The following ABTB2 variants were observed in gnomAD, a reference collection of about 807,000 sequenced individuals.
ABTB2 encodes the protein ankyrin repeat and BTB domain containing 2.
ABTB2 carries 56 observed loss-of-function variants against 104.1 expected under a neutral mutation model. The observed-to-expected ratio is 0.54, with a 90% CI of 0.43 to 0.67. ABTB2 has a LOEUF of 0.67. Among genes scored for constraint, ABTB2 ranks in the 30% least tolerant of loss-of-function variants. The pLI is 0.00. For missense variants in ABTB2, 1,279 were observed against 1,407.7 expected, an observed-to-expected ratio of 0.91 and a Z score of 1.46; for synonymous variants, 606 against 608.2, an observed-to-expected ratio of 1.00 and a Z score of 0.05.
intron 1 of ABTB2, among the ~76,000 whole-genome samples, chr11:34,314,689 C>T (rs1256571948): frequency 2.0e-5 from 3 of 152,132 alleles, no homozygotes; most frequent in African/African-American, 7.2e-5. Context: ...CCCTGGTATC[C>T]GATGCTGGTG....
rs533395082 is a variant in ABTB2 at position 34,167,971 on chromosome 11, C to A, written c.1585G>T (p.Ala529Ser). The A allele has an allele frequency of 1.6e-5, 26 of 1,614,060 alleles. No homozygotes were observed. The highest frequency in any genetic ancestry group is 2.1e-5 in the Non-Finnish European group (25 of 1,180,046). ...ATCGCTTCGTCCCCAGCAGCGCAGGCGTACATCAGTGGCGTCATACCCTGA... is the reference window on the plus strand; with the variant it reads ...ATCGCTTCGTCCCCAGCAGCGCAGGAGTACATCAGTGGCGTCATACCCTGA... ...DDQGMTPLMY[A>S]CAAGDEAMVQ... Residue 529 changes from alanine to serine, a missense_variant, in exon 6 of 17, where the codon GCC becomes TCC. Coordinates refer to ENST00000435224, the MANE Select transcript of ABTB2 (RefSeq NM_145804.3).
At chr11:34,174,019 C>G (rs938820271) in intron 3 of ABTB2, among the ~76,000 whole-genome samples, 13 of 152,126 alleles carry the variant, frequency 8.5e-5, no homozygotes, top group African/African-American at 3.1e-4. Context: ...CCAGGTTGCC[C>G]CCAGTTTGGT....
At chr11:34,343,743 G>A (rs140907747) in intron 1 of ABTB2, among the ~76,000 whole-genome samples, 14 of 152,196 alleles carry the variant, frequency 9.2e-5, no homozygotes, top group African/African-American at 3.4e-4. Context: ...CAAAGCGTTG[G>A]GATTACAGGC....
chr11:34,233,655 T>A (rs1853804262), intron 1 of ABTB2, among the ~76,000 whole-genome samples: 1 of 1,034 alleles, frequency 9.7e-4, no homozygotes, highest in Non-Finnish European at 7.2e-3. Context: ...TGGCCCACCT[T>A]TTTTTTTTTT....
chr11:34,268,950 A>G (rs1016314605), intron 1 of ABTB2, among the ~76,000 whole-genome samples: 3 of 152,308 alleles, frequency 2.0e-5, no homozygotes, highest in Admixed American at 6.5e-5. Flanking sequence ...ACTTATTTCC[A>G]AATAAAGTGA....
intron 1 of ABTB2, among the ~76,000 whole-genome samples, chr11:34,346,842 T>A (rs1313465007): frequency 4.6e-5 from 7 of 152,214 alleles, no homozygotes; most frequent in African/African-American, 1.7e-4. Context: ...CGGATGCTTG[T>A]GCACGTACAC....
intron 1 of ABTB2, among the ~76,000 whole-genome samples, chr11:34,298,150 T>C (rs1334934550): frequency 6.6e-6 from 1 of 151,686 alleles, no homozygotes. Flanking sequence ...ATAAACAGAC[T>C]AAGACACTCA....
rs2467367 is a variant in ABTB2, at chr11:34,154,289, G to A, written c.2856C>T (p.Ala952=). ...LCSQTLSMES[A]VNTYKYAKIH... is the part of the protein sequence containing the mutation. ...CCTTGGCATATTTGTAGGTGTTCAC[G>A]GCACTCTCCATGCTGAGGGTCTGGG... The change falls in exon 16 of 17, where the codon GCC becomes GCT. Residue 952 remains alanine, a synonymous_variant. Transcript: ENST00000435224. The surrounding 1 kb of genome is among the most constrained non-coding windows in gnomAD (Gnocchi z 4.9). 5.2e-4 allele frequency: 847 copies of A among 1,613,896 alleles called. 3 individuals are homozygous for A. The African/African-American group carries it at 9.8e-3, about 19-fold the overall frequency.
intron 11 of ABTB2, 91 bp downstream of exon 11, chr11:34,160,812 C>T: frequency 7.2e-7 from 1 of 1,392,468 alleles, no homozygotes; most frequent in Non-Finnish European, 9.7e-7. Flanking sequence ...GTCCCTGTGT[C>T]TGTCCACGTG....
In ABTB2 at chr11:34,152,522, G is replaced by A. The variant is rs762680883; in HGVS notation, c.2943C>T (p.Ala981=). 1.2e-6 allele frequency: 2 copies of A among 1,612,018 alleles called. No homozygotes were observed. Among genetic ancestry groups the A allele is most frequent in the Admixed American group, 1.7e-5 (1 of 59,822 alleles). Residue 981 remains alanine, a synonymous_variant, in exon 17 of 17, where the codon GCC becomes GCT. Coordinates refer to ENST00000435224, the MANE Select transcript of ABTB2 (RefSeq NM_145804.3). ...GCCGGAAGGCATCCTGCTCCAGTAG[G>A]GCCTTCATGTGCTTGAGGAAGAAGC... is the stretch of plus-strand genomic sequence containing the variant. ...CEGFFLKHMK[A]LLEQDAFRQL... is the part of the protein sequence containing the mutation.
chr11:34,191,287 A>T (rs758112338), intron 3 of ABTB2, among the ~76,000 whole-genome samples: 7 of 152,214 alleles, frequency 4.6e-5, no homozygotes, highest in Non-Finnish European at 7.3e-5. Flanking sequence ...AAAAAGCCCC[A>T]GGTGTGCGTT....
chr11:34,274,118 G>C (rs1854353639), intron 1 of ABTB2, among the ~76,000 whole-genome samples: 1 of 127,598 alleles, frequency 7.8e-6, no homozygotes, highest in African/African-American at 3.1e-5. Flanking sequence ...CGCCACTGCA[G>C]TCCGCAGTCC....
intron 3 of ABTB2, among the ~76,000 whole-genome samples, chr11:34,196,275 C>T (rs12280465): frequency 0.013 from 1,964 of 152,304 alleles, 34 homozygotes; most frequent in African/African-American, 0.045. Context: ...ATCCTAAGAC[C>T]GGGCGCGGTG....
At chr11:34,201,140 G>C (rs1265586782) in intron 2 of ABTB2, among the ~76,000 whole-genome samples, 1 of 152,106 alleles carries the variant, frequency 6.6e-6, no homozygotes, top group Non-Finnish European at 1.5e-5. Context: ...TGCAGGCTAG[G>C]CTGGGCTCTC....
intron 3 of ABTB2, among the ~76,000 whole-genome samples, chr11:34,177,126 C>G (rs964518763): frequency 6.6e-6 from 1 of 152,188 alleles, no homozygotes; most frequent in Non-Finnish European, 1.5e-5. Context: ...TTGTGGCCAA[C>G]AGCCAAGACA....
rs2133010102 is a variant in ABTB2 at position 34,165,288 on chromosome 11, C to G, written c.1824G>C (p.Glu608Asp). ...CCGCAGAGGCCAGCTGCAGGGGCGT[C>G]TCCGCATAGCTGTCCTCGCCGCCGT... is the stretch of plus-strand genomic sequence containing the variant. The part of the protein sequence containing the change: ...AVNGGEDSYA[E>D]TPLQLASAAG... Residue 608 changes from glutamate (E) to aspartate (D), a missense_variant, in exon 8 of 17, where the codon GAG (glutamate) becomes GAC (aspartate). Glu to Asp is a conservative substitution (Grantham distance 45). Coordinates refer to ENST00000435224, the MANE Select transcript of ABTB2 (RefSeq NM_145804.3). 6.4e-7 allele frequency: 1 copy of G among 1,564,876 alleles called. No individual in the cohort carries two copies. Among genetic ancestry groups the G allele is most frequent in the East Asian group, 2.4e-5 (1 of 41,600 alleles).
intron 1 of ABTB2, among the ~76,000 whole-genome samples, chr11:34,274,584 T>C (rs912754883): frequency 8.2e-6 from 1 of 122,656 alleles, no homozygotes; most frequent in Admixed American, 7.7e-5. Flanking sequence ...CACACACGCG[T>C]GTGTGTGTAT....
At chr11:34,194,146 G>A (rs1853217713) in intron 3 of ABTB2, among the ~76,000 whole-genome samples, 1 of 152,110 alleles carries the variant, frequency 6.6e-6, no homozygotes, top group African/African-American at 2.4e-5. Flanking sequence ...GAAATATGAG[G>A]ACAGACTTGA....
At chr11:34,173,775 C>T (rs1049933942) in intron 3 of ABTB2, among the ~76,000 whole-genome samples, 3 of 152,172 alleles carry the variant, frequency 2.0e-5, no homozygotes, top group African/African-American at 7.2e-5. Flanking sequence ...AAGAGTCTCA[C>T]AGACCCAGGT....
Sources: gnomAD v4.1 joint callset for allele counts (sites outside exome capture counted in the v4.1 genomes callset) on GRCh38, gnomAD v4.1.1 for gene constraint, Gnocchi (gnomAD v3.1) non-coding constraint, MANE v1.5 for transcripts, NCBI Gene and HGNC (gene_info 2026-07-23, HGNC 2026-07-21) for gene names.